Variants in NEGR1 observed in about 807,000 individuals in gnomAD.
NEGR1 encodes the protein neuronal growth regulator 1.
In NEGR1, 10 loss-of-function variants were observed where a neutral mutation model predicts 40.9. The ratio of observed to expected loss-of-function variants is 0.24; its 90% CI spans 0.15 to 0.42. NEGR1 has a LOEUF of 0.42. Among genes scored for constraint, NEGR1 ranks in the 10% least tolerant of loss-of-function variants. The pLI is 1.00. For missense variants in NEGR1, 352 were observed against 438.9 expected, an observed-to-expected ratio of 0.80 and a Z score of 1.77; for synonymous variants, 185 against 166.8, an observed-to-expected ratio of 1.11 and a Z score of -0.84.
chr1:71,433,800 G>C (rs1424549478), intron 6 of NEGR1, among the ~76,000 whole-genome samples: 1 of 152,218 alleles, frequency 6.6e-6, no homozygotes, highest in African/African-American at 2.4e-5. Flanking sequence ...GTGTGTGTGT[G>C]AGAGAGATTA....
chr1:72,008,680 T>C (rs1244302525), intron 1 of NEGR1, among the ~76,000 whole-genome samples: 4 of 152,272 alleles, frequency 2.6e-5, no homozygotes, highest in African/African-American at 9.6e-5. Context: ...CCTATGTAAT[T>C]ACATTGGTAC....
intron 1 of NEGR1, among the ~76,000 whole-genome samples, chr1:72,008,833 A>T (rs1429049462): frequency 1.3e-5 from 2 of 152,086 alleles, no homozygotes; most frequent in African/African-American, 4.8e-5. Flanking sequence ...GACCCATAGC[A>T]TGTTAATTGC....
intron 1 of NEGR1, among the ~76,000 whole-genome samples, chr1:72,130,408 C>T (rs1392289717): frequency 1.3e-5 from 2 of 152,182 alleles, no homozygotes; most frequent in African/African-American, 4.8e-5. Context: ...AGTAACAACC[C>T]TTTCCTTCCA....
intron 1 of NEGR1, among the ~76,000 whole-genome samples, chr1:72,052,431 C>A (rs1647070820): frequency 6.6e-6 from 1 of 151,416 alleles, no homozygotes; most frequent in South Asian, 2.1e-4. Context: ...TTGGAGAATT[C>A]TGGTGTTTTA....
chr1:71,588,732 A>T (rs1649396153), intron 6 of NEGR1, among the ~76,000 whole-genome samples: 1 of 152,124 alleles, frequency 6.6e-6, no homozygotes, highest in African/African-American at 2.4e-5. Context: ...ACTTTTGCTT[A>T]TTTCCCTCGC....
chr1:71,684,168 G>A (rs1265928522), intron 4 of NEGR1, among the ~76,000 whole-genome samples: 6 of 152,020 alleles, frequency 3.9e-5, no homozygotes, highest in Non-Finnish European at 5.9e-5. Flanking sequence ...TACTGGGGAG[G>A]CTGAGGTAGG....
At chr1:71,926,504 T>C (rs1645774450) in intron 2 of NEGR1, among the ~76,000 whole-genome samples, 1 of 152,090 alleles carries the variant, frequency 6.6e-6, no homozygotes, top group Non-Finnish European at 1.5e-5. Context: ...TCCTTGCTGG[T>C]ATAATTTCCT....
intron 1 of NEGR1, among the ~76,000 whole-genome samples, chr1:72,259,629 C>T (rs912400597): frequency 1.3e-5 from 2 of 152,006 alleles, no homozygotes; most frequent in African/African-American, 4.8e-5. Context: ...CACAGCAATG[C>T]AGTGCATGTT....
intron 1 of NEGR1, among the ~76,000 whole-genome samples, chr1:72,246,560 T>C (rs1423927595): frequency 6.6e-6 from 1 of 152,234 alleles, no homozygotes; most frequent in Non-Finnish European, 1.5e-5. Flanking sequence ...ATGTTGATCA[T>C]CTTTCACTTC....
chr1:72,064,705 CATT>C (rs939304756), intron 1 of NEGR1, among the ~76,000 whole-genome samples: 7 of 151,992 alleles, frequency 4.6e-5, no homozygotes, highest in Non-Finnish European at 8.8e-5. Context: ...GAATGAGAAT[CATT>C]ATTATTATTT....
intron 6 of NEGR1, among the ~76,000 whole-genome samples, chr1:71,412,447 G>GTT (rs1279380486): frequency 2.0e-5 from 3 of 152,054 alleles, no homozygotes; most frequent in South Asian, 2.1e-4. Flanking sequence ...CTTATAATTA[G>GTT]TTATATATAT....
intron 5 of NEGR1, among the ~76,000 whole-genome samples, chr1:71,601,847 T>G (rs1002395993): frequency 1.3e-5 from 2 of 152,090 alleles, no homozygotes; most frequent in African/African-American, 2.4e-5. Flanking sequence ...AAATTACTTA[T>G]TGAGTACAAT....
chr1:72,089,678 C>T (rs1648385325), intron 1 of NEGR1, among the ~76,000 whole-genome samples: 1 of 152,002 alleles, frequency 6.6e-6, no homozygotes, highest in Non-Finnish European at 1.5e-5. Context: ...TCTATATAAA[C>T]CTTTTATTTT....
At chr1:71,875,889 G>A (rs910294677) in intron 2 of NEGR1, among the ~76,000 whole-genome samples, 4 of 152,120 alleles carry the variant, frequency 2.6e-5, no homozygotes, top group Non-Finnish European at 4.4e-5. Context: ...GGAAAGGCTC[G>A]ATGAAGATAG....
At chr1:71,659,274 C>T (rs1266180265) in intron 4 of NEGR1, among the ~76,000 whole-genome samples, 1 of 152,112 alleles carries the variant, frequency 6.6e-6, no homozygotes, top group Non-Finnish European at 1.5e-5. Context: ...AACAAACAGG[C>T]TTGAAACTCA....
chr1:71,713,172 A>G (rs188638079), intron 3 of NEGR1, among the ~76,000 whole-genome samples: 3 of 152,254 alleles, frequency 2.0e-5, no homozygotes, highest in African/African-American at 7.2e-5. Flanking sequence ...GAGAAACATT[A>G]TAAGAAAGGC....
intron 6 of NEGR1, among the ~76,000 whole-genome samples, chr1:71,552,155 A>G (rs1246667446): frequency 6.6e-6 from 1 of 151,412 alleles, no homozygotes; most frequent in East Asian, 2.0e-4. Context: ...TATCTGATCC[A>G]ATACCTAATT....
At chr1:71,410,381 T>C (rs1646311630) in intron 6 of NEGR1, among the ~76,000 whole-genome samples, 1 of 152,118 alleles carries the variant, frequency 6.6e-6, no homozygotes, top group African/African-American at 2.4e-5. Flanking sequence ...TGAATATCTA[T>C]TATGTTCGTG....
At chr1:72,130,932 G>T (rs958632108) in intron 1 of NEGR1, among the ~76,000 whole-genome samples, 3 of 152,146 alleles carry the variant, frequency 2.0e-5, no homozygotes, top group Non-Finnish European at 4.4e-5. Flanking sequence ...ATTAACGGAT[G>T]AGGAATAGAA....
Sources: gnomAD v4.1 joint callset for allele counts (sites outside exome capture counted in the v4.1 genomes callset) on GRCh38, gnomAD v4.1.1 for gene constraint, MANE v1.5 for transcripts, NCBI Gene and HGNC (gene_info 2026-07-23, HGNC 2026-07-21) for gene names.